Variants in SIMC1 observed in about 807,000 individuals in gnomAD.
SIMC1 encodes the protein SUMO-interacting motif-containing protein 1.
SIMC1 carries 55 observed loss-of-function variants against 82.3 expected under a neutral mutation model. The ratio of observed to expected loss-of-function variants is 0.67; its 90% confidence interval spans 0.54 to 0.84. The LOEUF (loss-of-function observed/expected upper bound fraction) is 0.84. SIMC1 is among the 40% of genes least tolerant of loss of function. The pLI is 0.00. For synonymous variants in SIMC1, 353 were observed against 426.3 expected (o/e 0.83, Z 2.12); for missense variants, 915 against 1,107.2 (o/e 0.83, Z 2.46).
chr5:176,290,480 C>G lies in SIMC1; in HGVS notation c.956C>G (p.Pro319Arg). The G allele has an allele frequency of 6.2e-7, 1 of 1,613,974 alleles. No homozygotes were observed. Among genetic ancestry groups the G allele is most frequent in the South Asian group, 1.1e-5 (1 of 91,068 alleles). ...TCACCAGGAGATGTGCCACAGTCAC[C>G]AAGTGATGTTTCACCGTCACCAGAT... is the stretch of plus-strand genomic sequence containing the variant. ...PRSPGDVPQSPSDVSPSPDAP... is the reference protein window; with the variant it reads ...PRSPGDVPQSRSDVSPSPDAP... Residue 319 changes from proline (P) to arginine (R), a missense_variant, in exon 2 of 10, where the codon CCA becomes CGA. Pro to Arg is a moderately radical substitution (Grantham distance 103). Coordinates refer to ENST00000429602, the MANE Select transcript of SIMC1 (RefSeq NM_001308195.2).
At chr5:176,319,758 G>C (rs1765077838) in intron 5 of SIMC1, among the ~76,000 whole-genome samples, 1 of 149,112 alleles carries the variant, frequency 6.7e-6, no homozygotes, top group South Asian at 2.1e-4. Context: ...TTTCATTTTT[G>C]TTTATTCTCT....
intron 1 of SIMC1, among the ~76,000 whole-genome samples, chr5:176,266,438 A>G (rs1246101156): frequency 6.6e-6 from 1 of 152,114 alleles, no homozygotes; most frequent in Non-Finnish European, 1.5e-5. Flanking sequence ...CCCTGCCTCA[A>G]GAGGCCAGGT....
In SIMC1 at chr5:176,324,685, C is replaced by T. The variant is rs752802990; in HGVS notation, c.2099C>T (p.Pro700Leu). 2.9e-5 allele frequency: 46 copies of T among 1,607,640 alleles called. No homozygotes were observed. The highest frequency in any genetic ancestry group is 3.9e-5 in the Non-Finnish European group (46 of 1,177,016). Residue 700 changes from proline to leucine, a missense_variant, in exon 7 of 10, where the codon CCC (proline) becomes CTC (leucine). Around this residue, in one of 2 missense-constraint regions of SIMC1, gnomAD observed 902 missense variants for 1,040.3 expected, o/e 0.87. Coordinates refer to ENST00000429602, the MANE Select transcript of SIMC1 (RefSeq NM_001308195.2). ...ATAGCCGTAGAGGTGGACAGGACCC[C>T]CACCTGCAGCTCCAATAAAATTGCC... ...LSIAVEVDRT[P>L]TCSSNKIAEM...
intron 1 of SIMC1, among the ~76,000 whole-genome samples, chr5:176,250,636 G>T (rs143913292): frequency 0.14 from 21,706 of 152,064 alleles, 1,571 homozygotes; most frequent in Middle Eastern, 0.21. Context: ...TTTATGAATC[G>T]GGATGCTCCT....
chr5:176,297,434 G>T lies in SIMC1; in HGVS notation c.1734+1114G>T, dbSNP rs113151384. On this transcript the variant is annotated intron_variant, in intron 4 of 9. Coordinates refer to ENST00000429602, the MANE Select transcript of SIMC1 (RefSeq NM_001308195.2). The stretch of plus-strand genomic sequence containing the variant: ...GGAGAATTGCTTGAACCCAGCAGAT[G>T]GAGGTTGCAGTGAGCCCAGATCATG... Among the ~76,000 whole-genome samples, 816 of 150,412 alleles carry T rather than the reference G, an allele frequency of 5.4e-3. 9 individuals are homozygous for T. Among genetic ancestry groups the T allele is most frequent in the African/African-American group, 0.019 (769 of 40,862 alleles).
At chr5:176,262,839 A>G (rs1306267523) in intron 1 of SIMC1, among the ~76,000 whole-genome samples, 1 of 151,928 alleles carries the variant, frequency 6.6e-6, no homozygotes, top group Admixed American at 6.6e-5. Context: ...GGGAAGGAAG[A>G]AATAAAATTG....
At chr5:176,316,025 A>G (rs1764887075) in intron 5 of SIMC1, among the ~76,000 whole-genome samples, 1 of 151,920 alleles carries the variant, frequency 6.6e-6, no homozygotes, top group Non-Finnish European at 1.5e-5. Flanking sequence ...AAATACAAAA[A>G]TTAGCCAGGC....
intron 1 of SIMC1, among the ~76,000 whole-genome samples, chr5:176,282,109 G>T (rs1763037580): frequency 6.6e-6 from 1 of 152,274 alleles, no homozygotes; most frequent in African/African-American, 2.4e-5. Flanking sequence ...CGGCTGCTTT[G>T]TTTACCTAAG....
intron 4 of SIMC1, among the ~76,000 whole-genome samples, chr5:176,305,146 G>A (rs1764259887): frequency 8.1e-6 from 1 of 123,864 alleles, no homozygotes; most frequent in Non-Finnish European, 1.8e-5. Context: ...AGGGGGGGGG[G>A]GTCAGCCCCC....
intron 1 of SIMC1, among the ~76,000 whole-genome samples, chr5:176,275,019 A>G (rs940990557): frequency 6.6e-6 from 1 of 151,710 alleles, no homozygotes; most frequent in Non-Finnish European, 1.5e-5. Context: ...GAAGAAAGTC[A>G]TTGGTAGCTT....
chr5:176,248,639 C>T (rs1272175070), intron 1 of SIMC1, among the ~76,000 whole-genome samples: 1 of 152,152 alleles, frequency 6.6e-6, no homozygotes, highest in Non-Finnish European at 1.5e-5. Context: ...ACTTCCAATA[C>T]TATGTTGAAT....
intron 2 of SIMC1, among the ~76,000 whole-genome samples, chr5:176,293,349 G>C (rs983206553): frequency 1.3e-5 from 2 of 151,592 alleles, no homozygotes; most frequent in African/African-American, 4.9e-5. Flanking sequence ...GCAGGAGAAT[G>C]GCATGAACCC....
chr5:176,271,902 A>G (rs1483494859), intron 1 of SIMC1, among the ~76,000 whole-genome samples: 7 of 109,402 alleles, frequency 6.4e-5, no homozygotes, highest in Non-Finnish European at 1.4e-4. Flanking sequence ...ATTATTATAC[A>G]TTAGTATATA....
chr5:176,335,110 T>A lies in SIMC1; in HGVS notation c.2172-1610T>A, dbSNP rs568985344. On this transcript the variant is annotated intron_variant, in intron 7 of 9. Coordinates refer to ENST00000429602, the MANE Select transcript of SIMC1 (RefSeq NM_001308195.2). Reference sequence around the variant, plus strand: ...AAACTCTGTCTCAAAAAAAAAAAAATAATAATAATAATCATCACAGTCCTT... The same window carrying A: ...AAACTCTGTCTCAAAAAAAAAAAAAAAATAATAATAATCATCACAGTCCTT... Among the ~76,000 whole-genome samples the A allele has an allele frequency of 2.8e-3, 415 of 150,810 alleles. 2 individuals are homozygous for A. The highest frequency in any genetic ancestry group is 7.5e-3 in the African/African-American group (307 of 41,060).
At chr5:176,271,411 G>A (rs1191928666) in intron 1 of SIMC1, among the ~76,000 whole-genome samples, 1 of 152,086 alleles carries the variant, frequency 6.6e-6, no homozygotes, top group South Asian at 2.1e-4. Context: ...ATCCAGTAAA[G>A]AAATAGAATC....
At chr5:176,243,300 A>G (rs1347857155) in intron 1 of SIMC1, among the ~76,000 whole-genome samples, 1 of 152,166 alleles carries the variant, frequency 6.6e-6, no homozygotes, top group African/African-American at 2.4e-5. Flanking sequence ...AGGGAACAAC[A>G]AAACCAAAAG....
intron 7 of SIMC1, among the ~76,000 whole-genome samples, chr5:176,325,156 C>T (rs79071264): frequency 0.021 from 3,211 of 151,752 alleles, 49 homozygotes; most frequent in Middle Eastern, 0.069. Flanking sequence ...TAGGACTAGG[C>T]GAGCAGATCA....
intron 2 of SIMC1, among the ~76,000 whole-genome samples, chr5:176,291,159 C>CTT (rs1173030195): frequency 0.024 from 2,111 of 88,468 alleles, 128 homozygotes; most frequent in Non-Finnish European, 0.027. Context: ...TGTCACTTTA[C>CTT]TTTTTTTTTT....
intron 7 of SIMC1, among the ~76,000 whole-genome samples, chr5:176,326,645 A>G (rs973643196): frequency 5.3e-5 from 8 of 151,988 alleles, no homozygotes; most frequent in Admixed American, 3.3e-4. Flanking sequence ...GCTCACTGCA[A>G]TCTTTGCCTC....
Sources: gnomAD v4.1 joint callset for allele counts (sites outside exome capture counted in the v4.1 genomes callset) on GRCh38, gnomAD v4.1.1 for gene constraint, gnomAD v4.1.1 regional missense constraint, MANE v1.5 for transcripts, NCBI Gene and HGNC (gene_info 2026-07-23, HGNC 2026-07-21) for gene names.